Variants in GALNT16 observed in about 807,000 individuals in gnomAD.
GALNT16 encodes polypeptide N-acetylgalactosaminyltransferase 16.
Under a neutral mutation model 76.1 loss-of-function variants are expected in GALNT16, and 40 were observed. The ratio of observed to expected loss-of-function variants is 0.53; its 90% CI spans 0.41 to 0.68. The LOEUF is 0.68. GALNT16 is among the 30% of genes least tolerant of loss of function. The pLI is 0.00. For synonymous variants in GALNT16, 276 were observed against 285.2 expected, an observed-to-expected ratio of 0.97 and a Z score of 0.32; for missense variants, 621 against 731.9, an observed-to-expected ratio of 0.85 and a Z score of 1.75.
At chr14:69,277,815 G>T (rs1175403461) in intron 1 of GALNT16, among the ~76,000 whole-genome samples, 3 of 152,304 alleles carry the variant, frequency 2.0e-5, no homozygotes, top group Middle Eastern at 3.4e-3. Flanking sequence ...TTCCACAATG[G>T]TTGAACTAGT....
chr14:69,285,660 T>A lies in GALNT16; in HGVS notation c.177+25193T>A, dbSNP rs540725570. Among the ~76,000 whole-genome samples the A allele has an allele frequency of 3.3e-5, 5 of 152,302 alleles. No homozygotes were observed. In the South Asian group the frequency reaches 1.0e-3, roughly 32 times the overall value. ...ACCATTGTAGCTGGGGCTGTGGCAG[T>A]CGCATGGAGAAAGGGCCTGTTTGAC... On this transcript the variant is annotated intron_variant, in intron 1 of 14. Transcript: ENST00000448469.
chr14:69,328,949 G>C (rs8005271), intron 6 of GALNT16, among the ~76,000 whole-genome samples: 1 of 152,346 alleles, frequency 6.6e-6, no homozygotes, highest in South Asian at 2.1e-4. Context: ...GAGAGGGTAG[G>C]AGGGCCCCTG....
At chr14:69,331,579 G>A (rs376749768) in intron 7 of GALNT16, 28 bp downstream of exon 7, 42 of 1,328,150 alleles carry the variant, frequency 3.2e-5, no homozygotes, top group Non-Finnish European at 4.5e-5. Context: ...GGGTGGGGCT[G>A]TAGACATGAA....
At chr14:69,356,660 A>T (rs976249524), downstream of GALNT16, 5 of 147,222 alleles carry the variant, frequency 3.4e-5, no homozygotes, top group African/African-American at 1.3e-4. Flanking sequence ...GGTTCACGCC[A>T]TTCTCCTGCC....
At chr14:69,277,378 G>A (rs1380087657) in intron 1 of GALNT16, among the ~76,000 whole-genome samples, 1 of 151,834 alleles carries the variant, frequency 6.6e-6, no homozygotes, top group Non-Finnish European at 1.5e-5. Flanking sequence ...CCTGCTCCCC[G>A]CCACCCCATG....
In GALNT16 at chr14:69,331,461, T is replaced by A; in HGVS notation, c.691-3T>A. 1 of 1,577,360 alleles carries A rather than the reference T, an allele frequency of 6.3e-7. No homozygotes were observed. Among genetic ancestry groups the A allele is most frequent in the Non-Finnish European group, 8.7e-7 (1 of 1,146,662 alleles). On this transcript the variant is annotated splice_polypyrimidine_tract_variant and splice_region_variant and intron_variant, in intron 6 of 14. Coordinates refer to ENST00000448469, the MANE Select transcript of GALNT16 (RefSeq NM_001168368.2). ...CTCACACCATCTCACATCTCTCTCC[T>A]AGGACCACACCCGCGTGGTGAGTCC...
the GALNT16 span, among the ~76,000 whole-genome samples, chr14:69,363,677 T>TGAATGAATGAATG: frequency 3.3e-5 from 5 of 151,862 alleles, no homozygotes; most frequent in Non-Finnish European, 7.4e-5. Flanking sequence ...AAGTGTGTGC[T>TGAATGAATGAATG]AATGAATGAA....
intron 6 of GALNT16, among the ~76,000 whole-genome samples, chr14:69,331,120 G>A (rs1200687746): frequency 6.6e-6 from 1 of 152,236 alleles, no homozygotes; most frequent in East Asian, 1.9e-4. Flanking sequence ...AATCATCTAG[G>A]CTGTCATTGT....
chr14:69,280,174 C>T (rs8005903), intron 1 of GALNT16, among the ~76,000 whole-genome samples: 68,521 of 151,942 alleles, frequency 0.45, 17,240 homozygotes, highest in East Asian at 0.87. Flanking sequence ...TCAAAGTCTA[C>T]GCCCATTAAA....
chr14:69,294,347 C>G (rs571025327), intron 1 of GALNT16, among the ~76,000 whole-genome samples: 2 of 152,320 alleles, frequency 1.3e-5, no homozygotes, highest in Admixed American at 1.3e-4. Context: ...GTCTTGAACT[C>G]CTGACCTCAA....
chr14:69,269,945 C>A (rs941605463), intron 1 of GALNT16, among the ~76,000 whole-genome samples: 1 of 151,704 alleles, frequency 6.6e-6, no homozygotes, highest in East Asian at 1.9e-4. Context: ...AGTGGGCAGG[C>A]TGGGGAGGAC....
rs113648156 is a variant in GALNT16, at chr14:69,263,841, C to T, written c.177+3374C>T. On this transcript the variant is annotated intron_variant, in intron 1 of 14. Coordinates refer to ENST00000448469, the MANE Select transcript of GALNT16 (RefSeq NM_001168368.2). Reference sequence around the variant, plus strand: ...CTAAAGGGAGATACTGATTCCATCCCTATATGGCTGCTTACGATGCGGCAA... The same window carrying T: ...CTAAAGGGAGATACTGATTCCATCCTTATATGGCTGCTTACGATGCGGCAA... Among the ~76,000 whole-genome samples the T allele has an allele frequency of 2.2e-3, 332 of 152,326 alleles. 1 individual carries two copies. Among genetic ancestry groups the T allele is most frequent in the African/African-American group, 7.5e-3 (312 of 41,566 alleles).
intron 1 of GALNT16, among the ~76,000 whole-genome samples, chr14:69,312,877 C>T (rs1464909310): frequency 6.6e-6 from 1 of 152,088 alleles, no homozygotes; most frequent in Admixed American, 6.5e-5. Context: ...TCAGAATTGG[C>T]AAGAGGGGAT....
intron 1 of GALNT16, among the ~76,000 whole-genome samples, chr14:69,309,505 T>C (rs185225995): frequency 6.6e-6 from 1 of 152,238 alleles, no homozygotes; most frequent in African/African-American, 2.4e-5. Flanking sequence ...AGAGATGAGG[T>C]CTTGCTGTGT....
At chr14:69,375,507 A>G in the GALNT16 span, among the ~76,000 whole-genome samples, 1 of 152,194 alleles carries the variant, frequency 6.6e-6, no homozygotes, top group African/African-American at 2.4e-5. Flanking sequence ...CTCCACAACA[A>G]AAGCCTGTAG....
chr14:69,370,719 A>C, the GALNT16 span, among the ~76,000 whole-genome samples: 1 of 152,136 alleles, frequency 6.6e-6, no homozygotes, highest in Non-Finnish European at 1.5e-5. Context: ...TTCAGTATAC[A>C]CTCTAAAAGA....
At position 69,265,602 on chromosome 14, in the gene GALNT16, G is replaced by A. The variant is rs372688463; in HGVS notation, c.177+5135G>A. On this transcript the variant is annotated intron_variant, in intron 1 of 14. Coordinates refer to ENST00000448469, the MANE Select transcript of GALNT16 (RefSeq NM_001168368.2). ...CCTTCATTACAGTTACAAGATTGAA[G>A]ATTTATACCCTGTCTGCTTCTTGAG... is the stretch of plus-strand genomic sequence containing the variant. Among the ~76,000 whole-genome samples, 302 of 152,342 alleles carry A rather than the reference G, an allele frequency of 2.0e-3. 1 individual carries two copies. Among genetic ancestry groups the A allele is most frequent in the African/African-American group, 6.8e-3 (284 of 41,574 alleles).
intron 1 of GALNT16, among the ~76,000 whole-genome samples, chr14:69,288,024 G>A (rs867177453): frequency 1.3e-5 from 2 of 152,140 alleles, no homozygotes; most frequent in Admixed American, 6.5e-5. Context: ...GTGTTTCTTG[G>A]GATCAGTGAC....
chr14:69,288,154 C>T (rs377373522), intron 1 of GALNT16, among the ~76,000 whole-genome samples: 2 of 152,174 alleles, frequency 1.3e-5, no homozygotes, highest in Non-Finnish European at 1.5e-5. Context: ...CCTGGACAGC[C>T]GCCTAGTGGC....
Sources: allele counts gnomAD v4.1 joint callset (sites outside exome capture counted in the v4.1 genomes callset), GRCh38; gene constraint gnomAD v4.1.1; transcripts MANE v1.5; gene names NCBI Gene and HGNC (gene_info 2026-07-23, HGNC 2026-07-21).